Variants in PUM1 observed in about 807,000 individuals in gnomAD.
The protein encoded by PUM1 is pumilio homolog 1.
Under a neutral mutation model 131.8 loss-of-function variants are expected in PUM1, and 13 were observed. The ratio of observed to expected loss-of-function variants is 0.10; its 90% CI spans 0.06 to 0.16. PUM1 has a LOEUF of 0.16. Ranked by LOEUF, PUM1 falls within the 10% of genes least tolerant of loss-of-function variation. PUM1 has a pLI of 1.00. For synonymous variants in PUM1, 509 were observed against 556.5 expected, an observed-to-expected ratio of 0.91 and a Z score of 1.20; for missense variants, 961 against 1,512.4, an observed-to-expected ratio of 0.64 and a Z score of 6.05.
chr1:30,955,934 AAT>A (rs939029936), intron 14 of PUM1, among the ~76,000 whole-genome samples: 10 of 152,210 alleles, frequency 6.6e-5, no homozygotes, highest in Non-Finnish European at 1.2e-4. Flanking sequence ...CTTTCTCTGG[AAT>A]TCTCACTGGC....
intron 2 of PUM1, among the ~76,000 whole-genome samples, chr1:31,056,906 C>T (rs1259368299): frequency 2.0e-5 from 3 of 152,092 alleles, no homozygotes; most frequent in Admixed American, 2.0e-4. Context: ...GACTCTCCTG[C>T]CTCAGCCTTC....
At chr1:31,048,157 T>C (rs2124583135) in intron 2 of PUM1, among the ~76,000 whole-genome samples, 1 of 151,356 alleles carries the variant, frequency 6.6e-6, no homozygotes, top group South Asian at 2.1e-4. Flanking sequence ...GAGAATGACA[T>C]GAACCCAGGA....
chr1:31,010,330 TC>T (rs905418917), intron 3 of PUM1, among the ~76,000 whole-genome samples: 5 of 152,264 alleles, frequency 3.3e-5, no homozygotes, highest in African/African-American at 1.2e-4. Context: ...GTAATCCCCT[TC>T]CCCTGACTGT....
At chr1:31,032,660 T>C (rs1233148890) in intron 2 of PUM1, among the ~76,000 whole-genome samples, 1 of 152,074 alleles carries the variant, frequency 6.6e-6, no homozygotes, top group Non-Finnish European at 1.5e-5. Context: ...AAGTATCACT[T>C]TACAAATCTT....
intron 20 of PUM1, 33 bp from the exon 21 acceptor site, chr1:30,936,868 C>A (rs774888741): frequency 2.0e-6 from 3 of 1,528,978 alleles, no homozygotes; most frequent in East Asian, 2.3e-5. Flanking sequence ...ACAACTCTTA[C>A]AAGAGAGGCC....
intron 2 of PUM1, among the ~76,000 whole-genome samples, chr1:31,049,823 C>CTTTTTTT (rs773718125): frequency 1.8e-4 from 14 of 79,970 alleles, no homozygotes; most frequent in Admixed American, 3.7e-4. Flanking sequence ...ACTGAACTTC[C>CTTTTTTT]TTTTTTTTTT....
chr1:31,038,972 ATATATATATATAT>A (rs1441787746), intron 2 of PUM1, among the ~76,000 whole-genome samples: 16 of 30,100 alleles, frequency 5.3e-4, no homozygotes, highest in Admixed American at 3.2e-3. Context: ...ATATATATAT[ATATATATATATAT>A]TTTTTTTTTT....
chr1:30,940,359 C>G (rs1005811428), intron 20 of PUM1, among the ~76,000 whole-genome samples: 6 of 152,236 alleles, frequency 3.9e-5, no homozygotes, highest in Middle Eastern at 3.4e-3. Flanking sequence ...GCCTGCAGTC[C>G]CAGCTACTTG....
chr1:30,987,219 C>T (rs866703320), intron 7 of PUM1, among the ~76,000 whole-genome samples: 5 of 143,100 alleles, frequency 3.5e-5, no homozygotes, highest in Admixed American at 2.1e-4. Flanking sequence ...TTTTTTAAGA[C>T]GGCGTCTCAC....
chr1:30,981,843 T>C (rs984624925), intron 7 of PUM1: 2 of 152,482 alleles, frequency 1.3e-5, no homozygotes, highest in Non-Finnish European at 1.5e-5. Flanking sequence ...CCAACTGATT[T>C]GTCACATTGT....
chr1:31,025,121 G>A (rs1010192280), intron 3 of PUM1, among the ~76,000 whole-genome samples: 1 of 152,100 alleles, frequency 6.6e-6, no homozygotes, highest in African/African-American at 2.4e-5. Flanking sequence ...TGTAGAATAG[G>A]AAGCACATAA....
At chr1:30,964,509 C>G (rs772137974) in intron 14 of PUM1, among the ~76,000 whole-genome samples, 165 bp downstream of exon 14, 4 of 152,184 alleles carry the variant, frequency 2.6e-5, no homozygotes, top group Non-Finnish European at 5.9e-5. Context: ...GCTATACTAT[C>G]TATAGGTACA....
chr1:31,065,681 C>T lies in PUM1; in HGVS notation c.-77G>A. On this transcript the variant is annotated 5_prime_UTR_variant, in exon 1 of 22. Transcript: ENST00000426105. ...TCTTCTCTCTCTGGCGCTCTCGCTCCCCCTTACCTTTCACTCCGACAACAT... is the reference window on the plus strand; with the variant it reads ...TCTTCTCTCTCTGGCGCTCTCGCTCTCCCTTACCTTTCACTCCGACAACAT... 1 of 1,549,900 alleles carries T rather than the reference C, an allele frequency of 6.5e-7. No individual in the cohort carries two copies. The highest frequency in any genetic ancestry group is 8.7e-7 in the Non-Finnish European group (1 of 1,146,870).
At chr1:31,035,791 C>T (rs1448679832) in intron 2 of PUM1, among the ~76,000 whole-genome samples, 4 of 151,900 alleles carry the variant, frequency 2.6e-5, no homozygotes, top group African/African-American at 4.8e-5. Flanking sequence ...GAAGTTATTA[C>T]AGCCCTTAAA....
intron 2 of PUM1, among the ~76,000 whole-genome samples, chr1:31,038,984 A>ATTTTTTTTTTT (rs35507851): frequency 1.6e-4 from 8 of 49,410 alleles, no homozygotes; most frequent in East Asian, 1.3e-3. Context: ...ATATATATAT[A>ATTTTTTTTTTT]TTTTTTTTTT....
At chr1:30,970,321 A>G (rs755128881) in intron 10 of PUM1, among the ~76,000 whole-genome samples, 5 of 152,222 alleles carry the variant, frequency 3.3e-5, no homozygotes, top group Non-Finnish European at 7.4e-5. Flanking sequence ...AAGGTGACCA[A>G]CACTGTCCAC....
intron 5 of PUM1, among the ~76,000 whole-genome samples, chr1:31,000,636 G>A (rs1275254100): frequency 2.0e-5 from 3 of 152,078 alleles, no homozygotes; most frequent in Admixed American, 6.5e-5. Context: ...TCTTACTGCC[G>A]TGATCTTAAA....
chr1:30,940,199 A>ATTAACTTGTTT (rs1570083632), intron 20 of PUM1, among the ~76,000 whole-genome samples: 1 of 152,196 alleles, frequency 6.6e-6, no homozygotes, highest in East Asian at 1.9e-4. Flanking sequence ...GAATGAGGCC[A>ATTAACTTGTTT]GGTACTGGTG....
chr1:31,043,288 C>A (rs545145976), intron 2 of PUM1, among the ~76,000 whole-genome samples: 1 of 152,090 alleles, frequency 6.6e-6, no homozygotes, highest in South Asian at 2.1e-4. Context: ...CCACAACATC[C>A]GCCTCCAGGG....
Sources: gnomAD v4.1 joint callset for allele counts (sites outside exome capture counted in the v4.1 genomes callset) on GRCh38, gnomAD v4.1.1 for gene constraint, MANE v1.5 for transcripts, NCBI Gene and HGNC (gene_info 2026-07-23, HGNC 2026-07-21) for gene names.